Variants in MACF1 observed in about 807,000 individuals in gnomAD.
MACF1 encodes the protein microtubule-actin cross-linking factor 1.
MACF1 carries 193 observed loss-of-function variants against 854.8 expected under a neutral mutation model. That is an observed-to-expected ratio of 0.23 (90% CI 0.20 to 0.25). The LOEUF is 0.25. Ranked by LOEUF, MACF1 falls within the 10% of genes least tolerant of loss-of-function variation. The pLI is 1.00. For synonymous variants in MACF1, 3,185 were observed against 3,226.7 expected (o/e 0.99, Z 0.44); for missense variants, 7,722 against 8,929.1 (o/e 0.86, Z 5.45).
In MACF1 at chr1:39,335,907, C is replaced by T; in HGVS notation, c.9319C>T (p.Pro3107Ser). The T allele has an allele frequency of 6.2e-7, 1 of 1,614,050 alleles. No homozygotes were observed. The highest frequency in any genetic ancestry group is 8.5e-7 in the Non-Finnish European group (1 of 1,180,018). Residue 3107 changes from proline (P) to serine (S), a missense_variant, in exon 37 of 101, where the codon CCA (proline) becomes TCA (serine). Physicochemically the swap from Pro to Ser is moderately conservative, Grantham distance 74 (BLOSUM62 -1). Around this residue, in one of 15 missense-constraint regions of MACF1, gnomAD observed 854 missense variants for 852.6 expected, o/e 1.00. Coordinates refer to ENST00000564288, the MANE Select transcript of MACF1 (RefSeq NM_001394062.1). ...AQSEPFPCMT[P>S]RPEGLHYQES... Reference sequence around the variant, plus strand: ...GAGTGAACCATTCCCTTGTATGACCCCAAGACCTGAAGGATTGCACTACCA... The same window carrying T: ...GAGTGAACCATTCCCTTGTATGACCTCAAGACCTGAAGGATTGCACTACCA...
chr1:39,419,798 A>AGTGTGT (rs3080664), intron 58 of MACF1, among the ~76,000 whole-genome samples: 13,954 of 130,918 alleles, frequency 0.11, 900 homozygotes, highest in Middle Eastern at 0.15. Context: ...ATGCCTGGCT[A>AGTGTGT]GTGTGTGTGT....
rs764841755 is a variant in MACF1 at position 39,484,583 on chromosome 1, T to C, written c.22282-18T>C. 1 of 1,602,358 alleles carries C rather than the reference T, an allele frequency of 6.2e-7. No individual in the cohort carries two copies. The highest frequency in any genetic ancestry group is 8.5e-7 in the Non-Finnish European group (1 of 1,174,756). On this transcript the variant is annotated intron_variant, in intron 99 of 100. Coordinates refer to ENST00000564288, the MANE Select transcript of MACF1 (RefSeq NM_001394062.1). ...ATTTTACCAAGTAAAATGTGACCTT[T>C]TTATTATTTTTTTTAAGGTTATCCC...
At chr1:39,190,395 GTTTTTGTTTTTT>G (rs1361794030) in intron 2 of MACF1, among the ~76,000 whole-genome samples, 12 of 79,058 alleles carry the variant, frequency 1.5e-4, no homozygotes, top group South Asian at 1.0e-3. Flanking sequence ...GTGTGTGTTT[GTTTTTGTTTTTT>G]TTTTTTTTTT....
At chr1:39,179,354 A>G (rs919032006) in intron 2 of MACF1, among the ~76,000 whole-genome samples, 7 of 152,156 alleles carry the variant, frequency 4.6e-5, no homozygotes, top group African/African-American at 9.7e-5. Flanking sequence ...TGAACCATAC[A>G]TGGGAGAGTC....
intron 58 of MACF1, among the ~76,000 whole-genome samples, chr1:39,419,163 G>A (rs988776305): frequency 2.6e-5 from 4 of 152,110 alleles, no homozygotes; most frequent in African/African-American, 7.2e-5. Flanking sequence ...GTTCTTTAAC[G>A]TTCTGTTCAC....
chr1:39,214,906 A>G (rs1321379650), intron 1 of MACF1, among the ~76,000 whole-genome samples: 4 of 152,182 alleles, frequency 2.6e-5, no homozygotes, highest in Admixed American at 6.5e-5. Context: ...ACTTGGCAGT[A>G]AACCACTTAG....
intron 61 of MACF1, among the ~76,000 whole-genome samples, chr1:39,425,941 G>A (rs147817475): frequency 1.4e-4 from 21 of 152,016 alleles, no homozygotes; most frequent in African/African-American, 5.1e-4. Flanking sequence ...TATAGTTTCT[G>A]GGCCAATATT....
chr1:39,091,400 G>T (rs1641798414), intron 2 of MACF1, among the ~76,000 whole-genome samples: 1 of 152,176 alleles, frequency 6.6e-6, no homozygotes, highest in Non-Finnish European at 1.5e-5. Context: ...CAGTTAAAAT[G>T]GGGGAGCAAG....
At chr1:39,368,433 G>C in intron 50 of MACF1, 119 bp downstream of exon 50, 2 of 986,854 alleles carry the variant, frequency 2.0e-6, no homozygotes, top group South Asian at 1.9e-5. Flanking sequence ...TTCTACTACT[G>C]AGTTGTAGGA....
intron 58 of MACF1, among the ~76,000 whole-genome samples, chr1:39,415,477 A>G (rs1299923877): frequency 6.7e-6 from 1 of 148,806 alleles, no homozygotes; most frequent in Non-Finnish European, 1.5e-5. Context: ...CTGGGACTAC[A>G]GGCGCCCGCC....
At position 39,409,186 on chromosome 1, in the gene MACF1, G is replaced by C. The variant is rs1642864602; in HGVS notation, c.15817-13188G>C. Among the ~76,000 whole-genome samples, 1 of 152,074 alleles carries C rather than the reference G, an allele frequency of 6.6e-6. No homozygotes were observed. The highest frequency in any genetic ancestry group is 6.5e-5 in the Admixed American group (1 of 15,274). ...GTTCCCAGCCAGAAGTTTGCATGCC[G>C]GGACCGTGACAGCTGCGGGCGGGGA... On this transcript the variant is annotated intron_variant, in intron 58 of 100. Transcript: ENST00000564288. This position sits in a 1 kb window ranked among gnomAD's most constrained non-coding sequence, Gnocchi z 4.2.
intron 6 of MACF1, among the ~76,000 whole-genome samples, chr1:39,267,320 C>T (rs899673919): frequency 1.4e-4 from 22 of 152,268 alleles, no homozygotes; most frequent in African/African-American, 5.3e-4. Flanking sequence ...CAACCTCCAC[C>T]TCCCAGTTCA....
rs1322892819 is a variant in MACF1 at position 39,460,386 on chromosome 1, A to AT, written c.21361-242dup. On this transcript the variant is annotated intron_variant, in intron 91 of 100. Coordinates refer to ENST00000564288, the MANE Select transcript of MACF1 (RefSeq NM_001394062.1). The surrounding 1 kb of genome is among the most constrained non-coding windows in gnomAD (Gnocchi z 4.1). ...CCCATTCTCATTCTGTGTGCTCCAT[A>AT]TTTTCCATGGTGATTCAGTTATTGT... Among the ~76,000 whole-genome samples the AT allele has an allele frequency of 6.6e-6, 1 of 152,144 alleles. No individual in the cohort carries two copies. Among genetic ancestry groups the AT allele is most frequent in the East Asian group, 1.9e-4 (1 of 5,204 alleles).
intron 55 of MACF1, among the ~76,000 whole-genome samples, chr1:39,381,127 G>A (rs1746840): frequency 1.3e-5 from 2 of 151,548 alleles, no homozygotes; most frequent in African/African-American, 2.4e-5. Flanking sequence ...GCATGATCTC[G>A]GCTCACCGCA....
At chr1:39,377,659 C>T (rs76256401) in intron 52 of MACF1, among the ~76,000 whole-genome samples, 8,442 of 152,154 alleles carry the variant, frequency 0.055, 300 homozygotes, top group African/African-American at 0.098. Context: ...AAATAATCTT[C>T]CTTTAAAAAC....
intron 72 of MACF1, 77 bp downstream of exon 72, chr1:39,439,577 T>G: frequency 8.7e-7 from 1 of 1,152,714 alleles, no homozygotes; most frequent in African/African-American, 1.5e-5. Context: ...AAGTGAGGTA[T>G]GTTAACTGCT....
chr1:39,477,072 T>TAC (rs1553457844), intron 97 of MACF1, among the ~76,000 whole-genome samples: 2 of 54,118 alleles, frequency 3.7e-5, no homozygotes, highest in African/African-American at 1.9e-4. Context: ...TATATATATA[T>TAC]ATATATATAT....
intron 56 of MACF1, among the ~76,000 whole-genome samples, chr1:39,382,954 C>T (rs1429370240): frequency 1.3e-5 from 2 of 151,480 alleles, no homozygotes; most frequent in East Asian, 3.9e-4. Context: ...AACCTTGCCT[C>T]TACTAAAAAT....
chr1:39,304,875 CT>C (rs1248436977), intron 23 of MACF1: 1 of 160,064 alleles, frequency 6.2e-6, no homozygotes, highest in African/African-American at 2.4e-5. Context: ...GTGGAAGAAA[CT>C]TTCTAAACGT....
Sources: gnomAD v4.1 joint callset for allele counts (sites outside exome capture counted in the v4.1 genomes callset) on GRCh38, gnomAD v4.1.1 for gene constraint, gnomAD v4.1.1 regional missense constraint, Gnocchi (gnomAD v3.1) non-coding constraint, MANE v1.5 for transcripts, NCBI Gene and HGNC (gene_info 2026-07-23, HGNC 2026-07-21) for gene names.